RPS6KA3: variants seen among roughly 807,000 people sequenced by gnomAD.
RPS6KA3 encodes ribosomal protein S6 kinase A3, also known as ribosomal protein S6 kinase alpha-3.
RPS6KA3 carries 4 observed loss-of-function variants against 67.2 expected under a neutral mutation model. The ratio of observed to expected loss-of-function variants is 0.06; its 90% confidence interval spans 0.03 to 0.14. The LOEUF (loss-of-function observed/expected upper bound fraction) is 0.14, where lower values mean the gene tolerates loss of function less well. RPS6KA3 is among the 10% of genes least tolerant of loss of function. The pLI is 1.00. For synonymous variants in RPS6KA3, 182 were observed against 183.7 expected (o/e 0.99, Z 0.07); for missense variants, 204 against 559.0 (o/e 0.36, Z 6.40).
chrX:20,214,306 T>C (rs2068791319), intron 2 of RPS6KA3, among the ~76,000 whole-genome samples: 1 of 112,203 alleles, frequency 8.9e-6, no homozygotes, highest in African/African-American at 3.2e-5. Flanking sequence ...GATTACCCCC[T>C]TGTAACTTCC....
rs750090174 is a variant in RPS6KA3 at position 20,215,607 on chromosome X, A to G, written c.127-6203T>C. Among the ~76,000 whole-genome samples, 5 of 112,084 alleles carry G rather than the reference A, an allele frequency of 4.5e-5. No homozygotes were observed. In the East Asian group the frequency reaches 1.1e-3, roughly 25 times the overall value. On this transcript the variant is annotated intron_variant, in intron 2 of 21. Transcript: ENST00000379565. Reference sequence around the variant, plus strand: ...CAAAATATCCTGGGTTGAGATCTCAATGCCCAGATTGTACTTAATGTCACC... The same window carrying G: ...CAAAATATCCTGGGTTGAGATCTCAGTGCCCAGATTGTACTTAATGTCACC...
intron 1 of RPS6KA3, among the ~76,000 whole-genome samples, 158 bp from the exon 2 acceptor site, chrX:20,234,972 T>G: frequency 8.9e-6 from 1 of 111,946 alleles, no homozygotes; most frequent in Non-Finnish European, 1.9e-5. Flanking sequence ...GTTGCTAAAT[T>G]TGCAACAGGA....
intron 15 of RPS6KA3, among the ~76,000 whole-genome samples, chrX:20,171,354 T>C (rs1478138712): frequency 9.0e-6 from 1 of 111,434 alleles, no homozygotes; most frequent in Admixed American, 9.6e-5. Flanking sequence ...AACATACAGG[T>C]GCCCACTGTA....
At chrX:20,247,355 G>A (rs914507389) in intron 1 of RPS6KA3, among the ~76,000 whole-genome samples, 14 of 111,349 alleles carry the variant, frequency 1.3e-4, no homozygotes, top group South Asian at 3.7e-4. Flanking sequence ...ACTTGAGCCC[G>A]GGAGGCAGAG....
intron 4 of RPS6KA3, among the ~76,000 whole-genome samples, chrX:20,200,808 A>T (rs779894020): frequency 1.8e-5 from 2 of 110,771 alleles, no homozygotes; most frequent in Non-Finnish European, 3.8e-5. Flanking sequence ...TAGCCCCCCC[A>T]GTCAGCTGGG....
At position 20,190,604 on chromosome X, in the gene RPS6KA3, A is replaced by G. The variant is rs2068096174; in HGVS notation, c.594-2070T>C. ...GAATGTTTAATCTTATGTTTATAGT[A>G]ATTTTTCTAAGGACTATATGCTTGA... On this transcript the variant is annotated intron_variant, in intron 7 of 21. Transcript: ENST00000379565. 3.6e-5 allele frequency among the ~76,000 whole-genome samples: 4 copies of G among 111,685 alleles called. No individual in the cohort carries two copies. The Admixed American group carries it at 3.8e-4, about 11-fold the overall frequency.
intron 1 of RPS6KA3, among the ~76,000 whole-genome samples, chrX:20,252,564 C>T (rs2069906870): frequency 1.8e-5 from 2 of 110,560 alleles, no homozygotes; most frequent in South Asian, 7.8e-4. Context: ...AAGTTCAGCT[C>T]CACTCTTAGT....
At chrX:20,174,952 C>G (rs1401798583) in intron 14 of RPS6KA3, among the ~76,000 whole-genome samples, 1 of 110,777 alleles carries the variant, frequency 9.0e-6, no homozygotes, top group Non-Finnish European at 1.9e-5. Context: ...AGGGGTTTCA[C>G]CATGTTGGCC....
chrX:20,196,747 G>A (rs1185866585), intron 4 of RPS6KA3, among the ~76,000 whole-genome samples: 2 of 111,798 alleles, frequency 1.8e-5, no homozygotes, highest in Non-Finnish European at 3.8e-5. Context: ...TCTTTTAACT[G>A]ACCTGTCCAG....
chrX:20,248,918 C>T (rs2069782116), intron 1 of RPS6KA3, among the ~76,000 whole-genome samples: 1 of 111,666 alleles, frequency 9.0e-6, no homozygotes, highest in Non-Finnish European at 1.9e-5. Flanking sequence ...ATATCCACCA[C>T]TACAGTAAAG....
Position 20,209,306 on chromosome X carries a change from C to A in RPS6KA3, c.225G>T (p.Gly75=), listed in dbSNP as rs1555950495. The A allele has an allele frequency of 3.4e-6, 4 of 1,163,153 alleles. No homozygotes were observed. Among genetic ancestry groups the A allele is most frequent in the East Asian group, 3.0e-5 (1 of 33,570 alleles). Residue 75 remains glycine, a synonymous_variant, in exon 3 of 22, where the codon GGG becomes GGT. Transcript: ENST00000379565. ...GACTTACCTTTCCAAATGATCCCTG[C>A]CCTAATACTTTTAAAAGTTCAAACT... ...PSQFELLKVL[G]QGSFGKVFLV...
In RPS6KA3 at chrX:20,157,027, C is replaced by T. The variant is rs1311361666; in HGVS notation, c.1960-778G>A. 1.9e-4 allele frequency among the ~76,000 whole-genome samples: 21 copies of T among 111,402 alleles called. No individual in the cohort carries two copies. The Admixed American group carries it at 2.0e-3, about 11-fold the overall frequency. ...GGCATTAGAGAATAATCAGAAAATA[C>T]TGGAATGTGAAAGCACATGAGGAAC... On this transcript the variant is annotated intron_variant, in intron 20 of 21. Transcript: ENST00000379565.
intron 20 of RPS6KA3, among the ~76,000 whole-genome samples, chrX:20,158,811 G>A (rs1300002248): frequency 9.0e-6 from 1 of 111,494 alleles, no homozygotes; most frequent in Non-Finnish European, 1.9e-5. Flanking sequence ...GTGCTCTCCA[G>A]AATTCTTTCC....
chrX:20,192,973 C>A (rs183344108), intron 7 of RPS6KA3, among the ~76,000 whole-genome samples: 2 of 111,879 alleles, frequency 1.8e-5, no homozygotes. Flanking sequence ...CAGATTTCAA[C>A]CTCATTAAAA....
chrX:20,193,119 A>T (rs1660498712), intron 7 of RPS6KA3, among the ~76,000 whole-genome samples: 2 of 110,948 alleles, frequency 1.8e-5, no homozygotes, highest in African/African-American at 6.5e-5. Flanking sequence ...TTCTACTAAA[A>T]ATACAAAAAT....
At chrX:20,253,224 T>C (rs2069934000) in intron 1 of RPS6KA3, among the ~76,000 whole-genome samples, 1 of 104,917 alleles carries the variant, frequency 9.5e-6, no homozygotes, top group African/African-American at 3.5e-5. Flanking sequence ...GCACTGTTAT[T>C]TGCTTCTTTG....
At chrX:20,178,068 T>C (rs745634116) in intron 10 of RPS6KA3, among the ~76,000 whole-genome samples, 10 of 112,157 alleles carry the variant, frequency 8.9e-5, no homozygotes, top group African/African-American at 3.2e-4. Flanking sequence ...TGGGTTGTTA[T>C]TGAGCTATTA....
intron 3 of RPS6KA3, among the ~76,000 whole-genome samples, chrX:20,208,452 A>T (rs760131929): frequency 8.9e-6 from 1 of 111,853 alleles, no homozygotes; most frequent in Non-Finnish European, 1.9e-5. Context: ...GTGGTTGCTC[A>T]CGCCTGTAAT....
intron 20 of RPS6KA3, among the ~76,000 whole-genome samples, chrX:20,160,886 T>A (rs2067289541): frequency 8.9e-6 from 1 of 111,784 alleles, no homozygotes; most frequent in South Asian, 3.7e-4. Context: ...CTTTCACCCC[T>A]AAGAAAAAAG....
Sources: allele counts gnomAD v4.1 joint callset (sites outside exome capture counted in the v4.1 genomes callset), GRCh38; gene constraint gnomAD v4.1.1; transcripts MANE v1.5; gene names NCBI Gene and HGNC (gene_info 2026-07-23, HGNC 2026-07-21).